Variants in MZT2A observed in about 807,000 individuals in gnomAD.
MZT2A encodes the protein mitotic-spindle organizing protein 2A.
A neutral mutation model predicts 12.4 loss-of-function variants in MZT2A; 8 were observed. The ratio of observed to expected loss-of-function variants is 0.64; its 90% confidence interval spans 0.38 to 1.16. MZT2A has a LOEUF of 1.16. Ranked by LOEUF, MZT2A falls within the 50% of genes most tolerant of loss-of-function variation. MZT2A has a pLI of 0.01. For missense variants in MZT2A, 181 were observed against 223.6 expected (o/e 0.81, Z 1.22); for synonymous variants, 88 against 107.5 (o/e 0.82, Z 1.12).
chr2:131,491,048 T>G (rs553976146), intron 2 of MZT2A: 40 of 1,189,582 alleles, frequency 3.4e-5, no homozygotes, highest in East Asian at 7.7e-5. Flanking sequence ...CGCCTTCTCA[T>G]GATGCCTGTG....
intron 2 of MZT2A, among the ~76,000 whole-genome samples, chr2:131,485,329 A>G (rs767757422): frequency 3.5e-4 from 54 of 152,252 alleles, no homozygotes; most frequent in Non-Finnish European, 1.5e-4. Context: ...GCATGTTCCC[A>G]GACACTGATA....
intron 2 of MZT2A, among the ~76,000 whole-genome samples, chr2:131,473,018 G>A (rs1678509165): frequency 6.6e-6 from 1 of 152,108 alleles, no homozygotes; most frequent in African/African-American, 2.4e-5. Context: ...TCATAAGGGT[G>A]GGCCCTGATC....
At chr2:131,482,621 T>C (rs753469662), downstream of MZT2A, 1 of 1,614,106 alleles carries the variant, frequency 6.2e-7, no homozygotes, top group South Asian at 1.1e-5. Context: ...GCGGGCCGTG[T>C]GCATGCTGAG....
chr2:131,488,664 C>G (rs534017422), intron 2 of MZT2A, among the ~76,000 whole-genome samples: 2 of 152,272 alleles, frequency 1.3e-5, no homozygotes, highest in East Asian at 3.9e-4. Context: ...AGAGAGCTCT[C>G]AGCATTCCAT....
chr2:131,482,975 C>T (rs1678913476), downstream of MZT2A: 2 of 1,468,780 alleles, frequency 1.4e-6, no homozygotes, highest in Non-Finnish European at 9.1e-7. Flanking sequence ...CCTACAGGAG[C>T]CGGTGGGACC....
chr2:131,476,234 G>T (rs1678662584), intron 2 of MZT2A: 1 of 1,613,740 alleles, frequency 6.2e-7, no homozygotes, highest in African/African-American at 1.3e-5. Flanking sequence ...CCCCGCAGAT[G>T]CCCAGGCAGA....
In MZT2A at chr2:131,491,863, G is replaced by A. The variant is rs1215487226; in HGVS notation, c.319+13C>T. On this transcript the variant is annotated intron_variant, in intron 2 of 2. Coordinates refer to ENST00000309451, the MANE Select transcript of MZT2A (RefSeq NM_001085365.2). ...CCCGCCACTGGGGCAGGGACAGCGG[G>A]CCCAGCTCTGACCTCGGGTCTCGGG... 4 of 1,455,116 alleles carry A rather than the reference G, an allele frequency of 2.7e-6. No homozygotes were observed. Among genetic ancestry groups the A allele is most frequent in the Admixed American group, 2.1e-5 (1 of 46,628 alleles). The allele number at this position is 1,455,116 out of a possible 1,614,324, so 90.1% of individuals were successfully genotyped here. A position where few individuals can be genotyped will look rare whatever the true frequency, so the allele number is the denominator to read the frequency against.
chr2:131,486,797 T>C (rs1679069356), intron 2 of MZT2A, among the ~76,000 whole-genome samples: 1 of 152,052 alleles, frequency 6.6e-6, no homozygotes, highest in South Asian at 2.1e-4. Flanking sequence ...TAATAATGCT[T>C]ATCTTTAAAT....
downstream of MZT2A, among the ~76,000 whole-genome samples, chr2:131,483,631 C>T (rs1038166851): frequency 4.6e-5 from 7 of 152,156 alleles, no homozygotes; most frequent in East Asian, 1.9e-4. Flanking sequence ...AGGAGAATGG[C>T]GCGAACCCAG....
chr2:131,486,943 C>G (rs1006163114), intron 2 of MZT2A, among the ~76,000 whole-genome samples: 2 of 152,142 alleles, frequency 1.3e-5, no homozygotes, highest in Non-Finnish European at 2.9e-5. Flanking sequence ...GGCCTCCTCA[C>G]TTTATGAAGG....
intron 2 of MZT2A, among the ~76,000 whole-genome samples, chr2:131,488,075 T>A (rs776974373): frequency 6.6e-6 from 1 of 152,164 alleles, no homozygotes; most frequent in Non-Finnish European, 1.5e-5. Context: ...TCCTTTGGCA[T>A]CTGCTGCGCA....
upstream of MZT2A, chr2:131,493,116 G>A (rs1679418708): frequency 2.7e-6 from 4 of 1,487,812 alleles, no homozygotes; most frequent in Non-Finnish European, 3.6e-6. Flanking sequence ...CACCTCTGAA[G>A]CGGGCGACGC....
At chr2:131,481,989 A>G (rs1037312860), downstream of MZT2A, among the ~76,000 whole-genome samples, 74 of 152,210 alleles carry the variant, frequency 4.9e-4, no homozygotes, top group Admixed American at 1.9e-3. Flanking sequence ...CCCTTTGGTT[A>G]CCACCTTGGA....
At chr2:131,484,400 C>T (rs1293556154) in intron 2 of MZT2A, among the ~76,000 whole-genome samples, 182 bp from the exon 3 acceptor site, 1 of 152,262 alleles carries the variant, frequency 6.6e-6, no homozygotes, top group Admixed American at 6.5e-5. Context: ...GGTCACGCCC[C>T]AGAAGCCCTT....
At chr2:131,479,154 C>T (rs1385135004), downstream of MZT2A, among the ~76,000 whole-genome samples, 2 of 152,250 alleles carry the variant, frequency 1.3e-5, no homozygotes, top group African/African-American at 4.8e-5. Flanking sequence ...CACACAGAGA[C>T]ATTTTCTACC....
At chr2:131,474,694 G>A (rs1375991472) in intron 2 of MZT2A, among the ~76,000 whole-genome samples, 1 of 151,552 alleles carries the variant, frequency 6.6e-6, no homozygotes, top group African/African-American at 2.4e-5. Flanking sequence ...ACAGGTGTGA[G>A]CCACCACGCC....
chr2:131,479,321 AG>A (rs1678772173), downstream of MZT2A: 1 of 1,613,894 alleles, frequency 6.2e-7, no homozygotes, highest in Non-Finnish European at 8.5e-7. Flanking sequence ...AAGTGCGCAC[AG>A]GGACCTACAG....
intron 3 of MZT2A, among the ~76,000 whole-genome samples, chr2:131,471,884 G>C (rs1229437956): frequency 6.6e-6 from 1 of 152,188 alleles, no homozygotes; most frequent in African/African-American, 2.4e-5. Context: ...AGCTGACATG[G>C]GCTGTGTAGC....
chr2:131,473,582 A>G (rs145463714), intron 2 of MZT2A, among the ~76,000 whole-genome samples: 6,028 of 147,500 alleles, frequency 0.041, 481 homozygotes, highest in African/African-American at 0.15. Flanking sequence ...CCAGAACTGA[A>G]TACACACTAA....
Sources: gnomAD v4.1 joint callset for allele counts (sites outside exome capture counted in the v4.1 genomes callset) on GRCh38, gnomAD v4.1.1 for gene constraint, MANE v1.5 for transcripts, NCBI Gene and HGNC (gene_info 2026-07-23, HGNC 2026-07-21) for gene names.